Variants in SLC35D2 observed in about 807,000 individuals in gnomAD.
The protein encoded by SLC35D2 is solute carrier family 35 member D2.
SLC35D2 carries 43 observed loss-of-function variants against 41.8 expected under a neutral mutation model. That is an observed-to-expected ratio of 1.03 (90% CI 0.81 to 1.33). The LOEUF is 1.33. Ranked by LOEUF, SLC35D2 falls within the 40% of genes most tolerant of loss-of-function variation. SLC35D2 has a pLI of 0.00. For synonymous variants in SLC35D2, 150 were observed against 163.9 expected (o/e 0.92, Z 0.65); for missense variants, 380 against 408.4 (o/e 0.93, Z 0.60).
At chr9:96,333,612 A>AAAG (rs1828914943) in intron 9 of SLC35D2, among the ~76,000 whole-genome samples, 1 of 143,972 alleles carries the variant, frequency 6.9e-6, no homozygotes, top group Non-Finnish European at 1.5e-5. Context: ...AAAAAAAAAA[A>AAAG]AAAAAGTATG....
Position 96,315,510 on chromosome 9 carries a change from T to C in SLC35D2, c.*1036-611A>G, listed in dbSNP as rs1036769016. Among the ~76,000 whole-genome samples, 6 of 149,936 alleles carry C rather than the reference T, an allele frequency of 4.0e-5. No individual in the cohort carries two copies. The South Asian group carries it at 1.3e-3, about 32-fold the overall frequency. On this transcript the variant is annotated intron_variant and NMD_transcript_variant, in intron 11 of 11. Transcript: ENST00000650065. The stretch of plus-strand genomic sequence containing the variant: ...GTGCAGTGGCGCGATCTCAGCTCAC[T>C]GCAAGCTCTGCCTTGCAGGTTCACA...
intron 1 of SLC35D2, among the ~76,000 whole-genome samples, chr9:96,370,474 T>C (rs1488098081): frequency 2.0e-5 from 3 of 152,014 alleles, no homozygotes; most frequent in African/African-American, 7.2e-5. Context: ...CTGGCCAACA[T>C]GGTGAAACTC....
At chr9:96,333,522 G>A (rs141180033) in intron 9 of SLC35D2, among the ~76,000 whole-genome samples, 1,713 of 151,384 alleles carry the variant, frequency 0.011, 20 homozygotes, top group Middle Eastern at 0.055. Flanking sequence ...GTGAACTCAG[G>A]AGGCGGTGCG....
intron 1 of SLC35D2, among the ~76,000 whole-genome samples, chr9:96,372,128 G>T (rs1453430500): frequency 6.6e-6 from 1 of 152,184 alleles, no homozygotes; most frequent in Non-Finnish European, 1.5e-5. Flanking sequence ...TCCTGATACA[G>T]TGTAAGACGA....
chr9:96,357,855 A>G (rs1396283280), intron 4 of SLC35D2, among the ~76,000 whole-genome samples: 2 of 151,814 alleles, frequency 1.3e-5, no homozygotes, highest in African/African-American at 2.4e-5. Context: ...CCTGGGCAAC[A>G]TGGTGAGACC....
chr9:96,376,085 A>G (rs1190219401), intron 1 of SLC35D2, among the ~76,000 whole-genome samples: 1 of 148,728 alleles, frequency 6.7e-6, no homozygotes, highest in Non-Finnish European at 1.5e-5. Context: ...CACGAGGTCA[A>G]GAGTTCGAGA....
chr9:96,365,284 A>G (rs1012308588), intron 2 of SLC35D2, among the ~76,000 whole-genome samples: 6 of 152,072 alleles, frequency 3.9e-5, no homozygotes, highest in African/African-American at 1.4e-4. Context: ...CGGAAAGTCA[A>G]GGCTGCAGTG....
chr9:96,341,278 C>T (rs759674271), intron 8 of SLC35D2, among the ~76,000 whole-genome samples: 16 of 151,948 alleles, frequency 1.1e-4, no homozygotes, highest in African/African-American at 2.4e-4. Flanking sequence ...CAGAGTGAGA[C>T]GCTGTCTCAA....
intron 8 of SLC35D2, among the ~76,000 whole-genome samples, chr9:96,343,284 C>T (rs1367071631): frequency 6.6e-6 from 1 of 152,196 alleles, no homozygotes; most frequent in African/African-American, 2.4e-5. Flanking sequence ...GCAGCAGATA[C>T]GGTTTCAGGG....
At chr9:96,346,573 T>C (rs1829584617) in intron 6 of SLC35D2, among the ~76,000 whole-genome samples, 2 of 152,170 alleles carry the variant, frequency 1.3e-5, no homozygotes, top group African/African-American at 4.8e-5. Context: ...ATTCTCAATC[T>C]TTCTCGGCTC....
Position 96,370,532 on chromosome 9 carries a change from C to CT in SLC35D2, c.159-2228dup, listed in dbSNP as rs558410003. 7.2e-5 allele frequency among the ~76,000 whole-genome samples: 11 copies of CT among 152,204 alleles called. No individual in the cohort carries two copies. The South Asian group carries it at 2.1e-3, about 29-fold the overall frequency. On this transcript the variant is annotated intron_variant, in intron 1 of 11. Transcript: ENST00000253270. ...ATTAGCCGGGCGTGGTGGTGGGCAC[C>CT]TGTAGTCCCAACTACTTGGGAGGCT...
At chr9:96,360,522 G>A (rs1007997082) in intron 3 of SLC35D2, among the ~76,000 whole-genome samples, 7 of 149,960 alleles carry the variant, frequency 4.7e-5, no homozygotes, top group East Asian at 4.1e-4. Flanking sequence ...CCAGCTACTC[G>A]GGAGGCTGAG....
chr9:96,353,959 T>C (rs538643378), intron 4 of SLC35D2, among the ~76,000 whole-genome samples: 42 of 152,280 alleles, frequency 2.8e-4, no homozygotes, highest in African/African-American at 1.0e-3. Flanking sequence ...CAGCACAGGC[T>C]TCACATCATC....
At chr9:96,347,913 G>A (rs565503003) in intron 6 of SLC35D2, among the ~76,000 whole-genome samples, 2 of 152,306 alleles carry the variant, frequency 1.3e-5, no homozygotes, top group South Asian at 4.1e-4. Flanking sequence ...AAATGCCAGG[G>A]CAATGTCAGG....
downstream of SLC35D2, among the ~76,000 whole-genome samples, chr9:96,318,225 C>G (rs1022979136): frequency 1.3e-5 from 2 of 151,994 alleles, no homozygotes; most frequent in Non-Finnish European, 2.9e-5. Flanking sequence ...TTTAGGAGGC[C>G]AGGGTGGGAG....
At chr9:96,315,143 A>G (rs567744829) in intron 11 of SLC35D2, among the ~76,000 whole-genome samples, 1 of 152,300 alleles carries the variant, frequency 6.6e-6, no homozygotes, top group African/African-American at 2.4e-5. Flanking sequence ...CTTTAAAGAC[A>G]AGGTCTTCCT....
intron 10 of SLC35D2, among the ~76,000 whole-genome samples, chr9:96,323,195 C>G (rs574373063): frequency 1.3e-5 from 2 of 152,090 alleles, no homozygotes; most frequent in Admixed American, 6.6e-5. Context: ...TCTGGGCACC[C>G]AGGGGACAGG....
At chr9:96,362,048 A>C (rs1218226028) in intron 3 of SLC35D2, among the ~76,000 whole-genome samples, 2 of 152,230 alleles carry the variant, frequency 1.3e-5, no homozygotes, top group African/African-American at 4.8e-5. Flanking sequence ...AGAACAGATA[A>C]GTAAATTGTG....
downstream of SLC35D2, among the ~76,000 whole-genome samples, chr9:96,316,126 G>C (rs192890970): frequency 3.9e-5 from 6 of 152,254 alleles, no homozygotes; most frequent in Non-Finnish European, 7.4e-5. Context: ...GGGAAAATCC[G>C]GATGTATTCT....
Sources: gnomAD v4.1 joint callset for allele counts (sites outside exome capture counted in the v4.1 genomes callset) on GRCh38, gnomAD v4.1.1 for gene constraint, MANE v1.5 for transcripts, NCBI Gene and HGNC (gene_info 2026-07-23, HGNC 2026-07-21) for gene names.